RAB38: variants seen among roughly 807,000 people sequenced by gnomAD.
The protein encoded by RAB38 is ras-related protein Rab-38.
In RAB38, 15 loss-of-function variants were observed where a neutral mutation model predicts 18.4. That is an observed-to-expected ratio of 0.82 (90% CI 0.55 to 1.26). RAB38 has a LOEUF of 1.26. Among genes scored for constraint, RAB38 ranks in the 50% most tolerant of loss-of-function variants. The probability of loss-of-function intolerance (pLI) is 0.00; values close to 1 mark genes in which losing one functional copy is unlikely to be tolerated. For missense variants in RAB38, 294 were observed against 267.4 expected (o/e 1.10, Z -0.69); for synonymous variants, 101 against 104.4 (o/e 0.97, Z 0.20).
the RAB38 span, among the ~76,000 whole-genome samples, chr11:87,873,951 C>G: frequency 2.0e-5 from 1 of 49,326 alleles, no homozygotes; most frequent in South Asian, 8.2e-4. Context: ...TATATATATA[C>G]TCTGCATAAT....
At chr11:88,169,018 C>T (rs1173441652) in intron 1 of RAB38, among the ~76,000 whole-genome samples, 1 of 152,172 alleles carries the variant, frequency 6.6e-6, no homozygotes, top group East Asian at 1.9e-4. Flanking sequence ...CTTTGATACA[C>T]CTGAGAACTG....
intron 1 of RAB38, among the ~76,000 whole-genome samples, chr11:88,158,887 T>C (rs922362239): frequency 6.6e-6 from 1 of 152,050 alleles, no homozygotes; most frequent in Admixed American, 6.6e-5. Context: ...TCATTGTGCC[T>C]ATTGAACACA....
the RAB38 span, among the ~76,000 whole-genome samples, chr11:88,028,260 A>G: frequency 1.3e-5 from 2 of 152,212 alleles, no homozygotes. Flanking sequence ...AAAAGTAGAT[A>G]AAACCACAAA....
chr11:87,969,640 C>G, the RAB38 span, among the ~76,000 whole-genome samples: 15,485 of 152,062 alleles, frequency 0.1, 959 homozygotes, highest in South Asian at 0.18. Context: ...GGAAATAGAC[C>G]TCATTTGGTC....
the RAB38 span, among the ~76,000 whole-genome samples, chr11:88,022,508 C>A: frequency 2.1e-3 from 299 of 139,482 alleles, 3 homozygotes; most frequent in African/African-American, 7.6e-3. Context: ...AGCAATCACA[C>A]AAGAAGAAGA....
At chr11:87,918,997 A>G in the RAB38 span, among the ~76,000 whole-genome samples, 1 of 151,288 alleles carries the variant, frequency 6.6e-6, no homozygotes, top group Non-Finnish European at 1.5e-5. Flanking sequence ...CTTATACTGT[A>G]TTTACAGTTT....
the RAB38 span, among the ~76,000 whole-genome samples, chr11:87,930,989 C>G: frequency 5.9e-5 from 9 of 152,240 alleles, no homozygotes; most frequent in Admixed American, 1.3e-4. Flanking sequence ...AGTTTGAAGT[C>G]AGGTAGCGTG....
chr11:87,869,929 G>T, the RAB38 span, among the ~76,000 whole-genome samples: 1 of 151,622 alleles, frequency 6.6e-6, no homozygotes, highest in Non-Finnish European at 1.5e-5. Context: ...TATGTTAAAA[G>T]TCAGAAAATT....
the RAB38 span, among the ~76,000 whole-genome samples, chr11:87,919,517 A>G: frequency 6.6e-6 from 1 of 151,872 alleles, no homozygotes; most frequent in Non-Finnish European, 1.5e-5. Flanking sequence ...TTTTGTTAAG[A>G]ATTTTTAATC....
At position 88,113,915 on chromosome 11, in the gene RAB38, A is replaced by G; in HGVS notation, c.*73T>C. ...GGTATCTCTATCCTGACGTTTACCCAAAATGGTAAAAATAGAGGCACAATT... is the reference window on the plus strand; with the variant it reads ...GGTATCTCTATCCTGACGTTTACCCGAAATGGTAAAAATAGAGGCACAATT... On this transcript the variant is annotated 3_prime_UTR_variant, in exon 3 of 3. Transcript: ENST00000243662. 3.8e-6 allele frequency: 6 copies of G among 1,574,978 alleles called. No homozygotes were observed. Among genetic ancestry groups the G allele is most frequent in the Non-Finnish European group, 5.2e-6 (6 of 1,146,768 alleles).
At chr11:88,149,416 G>A (rs1181408811) in intron 2 of RAB38, among the ~76,000 whole-genome samples, 1 of 152,096 alleles carries the variant, frequency 6.6e-6, no homozygotes, top group Non-Finnish European at 1.5e-5. Flanking sequence ...ACCTCAAAAG[G>A]CAAACATAGT....
At chr11:87,894,121 A>C in the RAB38 span, among the ~76,000 whole-genome samples, 2 of 151,580 alleles carry the variant, frequency 1.3e-5, no homozygotes, top group Admixed American at 1.3e-4. Context: ...TCAATGTGTA[A>C]ATCTTTCATT....
the RAB38 span, among the ~76,000 whole-genome samples, chr11:88,100,987 A>G: frequency 1.3e-5 from 2 of 151,998 alleles, no homozygotes; most frequent in Non-Finnish European, 2.9e-5. Context: ...AGAGGAGACT[A>G]AAATATAAGT....
the RAB38 span, among the ~76,000 whole-genome samples, chr11:88,018,798 TA>T: frequency 2.0e-5 from 3 of 152,184 alleles, no homozygotes; most frequent in Non-Finnish European, 4.4e-5. Flanking sequence ...GTTACATCTT[TA>T]GAATTTGTAT....
At chr11:87,912,710 T>G in the RAB38 span, among the ~76,000 whole-genome samples, 1 of 151,010 alleles carries the variant, frequency 6.6e-6, no homozygotes, top group Non-Finnish European at 1.5e-5. Context: ...TGATATCCAC[T>G]TTGATATTCA....
chr11:88,107,012 G>A, the RAB38 span, among the ~76,000 whole-genome samples: 87 of 152,092 alleles, frequency 5.7e-4, no homozygotes, highest in African/African-American at 2.0e-3. Context: ...ATTCCCTCCC[G>A]TGGAATAACA....
chr11:88,007,705 T>C, the RAB38 span, among the ~76,000 whole-genome samples: 5 of 152,066 alleles, frequency 3.3e-5, no homozygotes, highest in African/African-American at 1.2e-4. Flanking sequence ...AGTTTGAATA[T>C]ACTCCTAACC....
At chr11:87,915,696 T>G in the RAB38 span, among the ~76,000 whole-genome samples, 1 of 152,148 alleles carries the variant, frequency 6.6e-6, no homozygotes. Context: ...GGAATAGCCA[T>G]TTTTTAATTG....
intron 1 of RAB38, among the ~76,000 whole-genome samples, chr11:88,152,791 T>G (rs749079824): frequency 3.9e-5 from 6 of 152,250 alleles, no homozygotes; most frequent in Non-Finnish European, 8.8e-5. Flanking sequence ...AAACTTCCCT[T>G]GATTTTAGAT....
Sources: gnomAD v4.1 joint callset for allele counts (sites outside exome capture counted in the v4.1 genomes callset) on GRCh38, gnomAD v4.1.1 for gene constraint, MANE v1.5 for transcripts, NCBI Gene and HGNC (gene_info 2026-07-23, HGNC 2026-07-21) for gene names.